Variants in HERC1 observed in about 807,000 individuals in gnomAD.
HERC1 encodes probable E3 ubiquitin-protein ligase HERC1.
In HERC1, 160 loss-of-function variants were observed where a neutral mutation model predicts 554.3. The observed-to-expected ratio is 0.29, with a 90% CI of 0.25 to 0.33. The LOEUF (loss-of-function observed/expected upper bound fraction) is 0.33, where lower values mean the gene tolerates loss of function less well. HERC1 is among the 10% of genes least tolerant of loss of function. The pLI, the probability that HERC1 is intolerant of heterozygous loss-of-function variation, is 1.00. For synonymous variants in HERC1, 2,175 were observed against 2,131.7 expected (o/e 1.02, Z -0.56); for missense variants, 4,919 against 5,918.5 (o/e 0.83, Z 5.54).
At chr15:63,743,547 G>A (rs2074916469) in intron 12 of HERC1, among the ~76,000 whole-genome samples, 2 of 151,940 alleles carry the variant, frequency 1.3e-5, no homozygotes, top group Non-Finnish European at 1.5e-5. Context: ...ACAGGCGTGA[G>A]CCACCATGCC....
chr15:63,708,335 G>T (rs1486814365), intron 24 of HERC1, among the ~76,000 whole-genome samples: 1 of 152,078 alleles, frequency 6.6e-6, no homozygotes, highest in Non-Finnish European at 1.5e-5. Flanking sequence ...TTTCCTGTGT[G>T]GTGACCAACC....
intron 73 of HERC1, 40 bp from the exon 74 acceptor site, chr15:63,622,931 C>A: frequency 7.7e-7 from 1 of 1,297,406 alleles, no homozygotes; most frequent in South Asian, 1.3e-5. Context: ...AAATGACAAT[C>A]AAATGCATGA....
intron 1 of HERC1, among the ~76,000 whole-genome samples, chr15:63,784,856 C>T (rs779355669): frequency 6.6e-6 from 1 of 152,188 alleles, no homozygotes; most frequent in South Asian, 2.1e-4. Context: ...GGTGATCAGC[C>T]CACCTCGGCC....
chr15:63,833,725 G>C (rs2078239553), intron 1 of HERC1, 102 bp downstream of exon 1: 1 of 148,988 alleles, frequency 6.7e-6, no homozygotes, highest in Non-Finnish European at 1.5e-5. Flanking sequence ...CCGGCCCTGC[G>C]CGGCCGGCAA....
chr15:63,732,612 A>T (rs1453684940), intron 14 of HERC1, among the ~76,000 whole-genome samples: 1 of 152,260 alleles, frequency 6.6e-6, no homozygotes, highest in East Asian at 1.9e-4. Flanking sequence ...TTGTTTCATT[A>T]TAAGATTATA....
intron 1 of HERC1, among the ~76,000 whole-genome samples, chr15:63,819,276 G>A (rs372163435): frequency 5.9e-5 from 9 of 152,218 alleles, no homozygotes; most frequent in African/African-American, 2.2e-4. Context: ...TCATTCCTAA[G>A]GCAGCTCCCT....
rs370905411 is a variant in HERC1 at position 63,659,932 on chromosome 15, G to A, written c.9228C>T (p.Asp3076=). 1.9e-6 allele frequency: 3 copies of A among 1,603,382 alleles called. No individual in the cohort carries two copies. The highest frequency in any genetic ancestry group is 2.7e-5 in the African/African-American group (2 of 74,696). ...IGKQDSVYEE[D]WDMLDVDEDE... is the part of the protein sequence containing the mutation. ...CTTCATCAACATCCAACATGTCCCA[G>A]TCTTCTGGAATTTAAATAAATAAAT... Residue 3076 remains aspartate (D), a synonymous_variant, in exon 47 of 78, where the codon GAC becomes GAT. Transcript: ENST00000443617.
intron 74 of HERC1, 160 bp from the exon 75 acceptor site, chr15:63,616,842 T>C (rs2067839436): frequency 9.2e-6 from 6 of 652,194 alleles, no homozygotes. Flanking sequence ...AAAAATTCAG[T>C]TCTTCGGCTT....
intron 3 of HERC1, among the ~76,000 whole-genome samples, chr15:63,759,098 T>C (rs1596175121): frequency 6.6e-6 from 1 of 152,160 alleles, no homozygotes; most frequent in Non-Finnish European, 1.5e-5. Flanking sequence ...AAGGATATAG[T>C]TGTTACTATA....
At position 63,651,187 on chromosome 15, in the gene HERC1, G is replaced by C. The variant is rs1037506607; in HGVS notation, c.10546+66C>G. The C allele has an allele frequency of 3.4e-6, 5 of 1,465,966 alleles. No homozygotes were observed. In the Admixed American group the frequency reaches 7.5e-5, roughly 22 times the overall value. 90.8% of individuals were successfully genotyped at this position (1,465,966 alleles called of 1,614,324 possible). A position where few individuals can be genotyped will look rare whatever the true frequency, so the allele number is the denominator to read the frequency against. The stretch of plus-strand genomic sequence containing the variant: ...GAAGAGAAACCACTGTTTGGACTCA[G>C]AAGACTAAGAAGAAGGCTTTAAAAA... On this transcript the variant is annotated intron_variant, in intron 53 of 77. Coordinates refer to ENST00000443617, the MANE Select transcript of HERC1 (RefSeq NM_003922.4).
At chr15:63,750,023 T>C (rs933899385) in intron 8 of HERC1, among the ~76,000 whole-genome samples, 15 of 152,200 alleles carry the variant, frequency 9.9e-5, no homozygotes, top group African/African-American at 3.1e-4. Context: ...TAACTGGTCA[T>C]AGAAAAAACA....
At chr15:63,772,700 C>T (rs2075990242) in intron 2 of HERC1, among the ~76,000 whole-genome samples, 1 of 152,054 alleles carries the variant, frequency 6.6e-6, no homozygotes, top group African/African-American at 2.4e-5. Flanking sequence ...CACAGCTGGT[C>T]CCTAAAGCCT....
intron 22 of HERC1, among the ~76,000 whole-genome samples, chr15:63,715,589 T>C (rs1460634330): frequency 6.6e-6 from 1 of 152,200 alleles, no homozygotes; most frequent in East Asian, 1.9e-4. Flanking sequence ...TAGGGCCAAG[T>C]TAATTGACAG....
At chr15:63,780,012 CA>C (rs11447637) in intron 1 of HERC1, 55 of 84,314 alleles carry the variant, frequency 6.5e-4, no homozygotes, top group East Asian at 3.5e-3. Context: ...GACTCCATCT[CA>C]AAAAAAAAAA....
rs563172165 is a variant in HERC1, at chr15:63,634,028, G to A, written c.12571-58C>T. On this transcript the variant is annotated intron_variant, in intron 66 of 77. Coordinates refer to ENST00000443617, the MANE Select transcript of HERC1 (RefSeq NM_003922.4). ...CACAAGACCTAAAACACACTCCCCC[G>A]TTTCTGGGACCCTTTTTCTCTACTT... The A allele has an allele frequency of 3.1e-5, 50 of 1,593,348 alleles. No homozygotes were observed. In the African/African-American group the frequency reaches 4.4e-4, roughly 14 times the overall value.
chr15:63,700,505 T>C (rs1246057001), intron 25 of HERC1, among the ~76,000 whole-genome samples: 1 of 152,074 alleles, frequency 6.6e-6, no homozygotes, highest in Non-Finnish European at 1.5e-5. Flanking sequence ...AATTAAACCC[T>C]AGGATTTCAA....
At chr15:63,634,252 A>T (rs748377597) in intron 66 of HERC1, among the ~76,000 whole-genome samples, 4 of 152,270 alleles carry the variant, frequency 2.6e-5, no homozygotes, top group Admixed American at 1.3e-4. Context: ...TGACCCAAAA[A>T]TATTCATTCA....
intron 46 of HERC1, among the ~76,000 whole-genome samples, chr15:63,660,197 G>A (rs2070279189): frequency 1.3e-5 from 2 of 152,080 alleles, no homozygotes; most frequent in African/African-American, 4.8e-5. Context: ...GTGTGTGCCT[G>A]TAATCCCAGC....
chr15:63,694,820 C>G lies in HERC1; in HGVS notation c.5196G>C (p.Leu1732Phe). Residue 1732 changes from leucine to phenylalanine, a missense_variant, in exon 28 of 78, where the codon TTG becomes TTC. Physicochemically the swap from Leu to Phe is conservative, Grantham distance 22 (BLOSUM62 0). Around this residue, in one of 11 missense-constraint regions of HERC1, gnomAD observed 1,121 missense variants for 1,244.0 expected, o/e 0.90. Transcript: ENST00000443617. The surrounding 1 kb of genome is among the most constrained non-coding windows in gnomAD (Gnocchi z 4.3). ...QVAVHKIYQQ[L>F]SATLERALQA... ...GCAGGGCTCTTTCCAGGGTAGCAGA[C>G]AACTGTTGATAAATTTTATGCACAG... 6.2e-7 allele frequency: 1 copy of G among 1,613,840 alleles called. No individual in the cohort carries two copies. The highest frequency in any genetic ancestry group is 8.5e-7 in the Non-Finnish European group (1 of 1,179,840).
Sources: allele counts gnomAD v4.1 joint callset (sites outside exome capture counted in the v4.1 genomes callset), GRCh38; gene constraint gnomAD v4.1.1; regional missense constraint gnomAD v4.1.1; non-coding constraint Gnocchi (gnomAD v3.1); transcripts MANE v1.5; gene names NCBI Gene and HGNC (gene_info 2026-07-23, HGNC 2026-07-21).